PLA2G5: variants seen among roughly 807,000 people sequenced by gnomAD.
The protein encoded by PLA2G5 is Ca2+-dependent phospholipase A2.
Under a neutral mutation model 15.9 loss-of-function variants are expected in PLA2G5, and 12 were observed. The ratio of observed to expected loss-of-function variants is 0.76; its 90% CI spans 0.48 to 1.23. PLA2G5 has a LOEUF of 1.23. Among genes scored for constraint, PLA2G5 ranks in the 50% most tolerant of loss-of-function variants. The probability of loss-of-function intolerance (pLI) is 0.00; values close to 1 mark genes in which losing one functional copy is unlikely to be tolerated. For synonymous variants in PLA2G5, 71 were observed against 71.4 expected, an observed-to-expected ratio of 0.99 and a Z score of 0.03; for missense variants, 169 against 177.1, an observed-to-expected ratio of 0.95 and a Z score of 0.26.
chr1:20,043,770 T>C lies in PLA2G5; in HGVS notation n.276+15061T>C, dbSNP rs1224377956. Among the ~76,000 whole-genome samples the C allele has an allele frequency of 3.3e-5, 5 of 152,060 alleles. No homozygotes were observed. In the East Asian group the frequency reaches 7.7e-4, roughly 23 times the overall value. On this transcript the variant is annotated intron_variant and non_coding_transcript_variant, in intron 1 of 6. Coordinates refer to the PLA2G5 transcript ENST00000460175. ...AGGGATTTTGAAGCTTGGCCGTCAA[T>C]ACCCACAACAGTTATGGGGGCAAGG...
Position 20,053,112 on chromosome 1 carries a change from G to A in PLA2G5, n.277-6520G>A, listed in dbSNP as rs1349418880. On this transcript the variant is annotated intron_variant and non_coding_transcript_variant, in intron 1 of 6. Coordinates refer to the PLA2G5 transcript ENST00000460175. Reference sequence around the variant, plus strand: ...GATGTCATCAGGGCCTCCTGAGGCTGTGTCGTGGATGTGTGTCATCAATCT... The same window carrying A: ...GATGTCATCAGGGCCTCCTGAGGCTATGTCGTGGATGTGTGTCATCAATCT... Among the ~76,000 whole-genome samples, 3 of 152,198 alleles carry A rather than the reference G, an allele frequency of 2.0e-5. No individual in the cohort carries two copies. In the East Asian group the frequency reaches 5.8e-4, roughly 29 times the overall value.
At chr1:20,036,077 C>G (rs775777271) in intron 1 of PLA2G5, among the ~76,000 whole-genome samples, 13 of 152,202 alleles carry the variant, frequency 8.5e-5, no homozygotes, top group Non-Finnish European at 1.3e-4. Flanking sequence ...CCAATCCCTT[C>G]TAGCTTGTAG....
chr1:20,047,033 A>G (rs1160937938), intron 1 of PLA2G5, among the ~76,000 whole-genome samples: 1 of 152,176 alleles, frequency 6.6e-6, no homozygotes, highest in East Asian at 1.9e-4. Context: ...CCTCCCAGCC[A>G]AAAGGTGCCC....
intron 1 of PLA2G5, among the ~76,000 whole-genome samples, chr1:20,036,661 A>G (rs1386911595): frequency 6.6e-6 from 1 of 151,614 alleles, no homozygotes; most frequent in African/African-American, 2.4e-5. Flanking sequence ...ATTATTTTTT[A>G]AATTTCTTTC....
chr1:20,037,291 T>C (rs947278654), intron 1 of PLA2G5, among the ~76,000 whole-genome samples: 5 of 152,170 alleles, frequency 3.3e-5, no homozygotes, highest in Non-Finnish European at 5.9e-5. Flanking sequence ...GGATGGGGCT[T>C]CCTGACAGCG....
intron 4 of PLA2G5, 138 bp downstream of exon 4, chr1:20,090,033 T>C (rs994840186): frequency 2.5e-5 from 16 of 642,704 alleles, no homozygotes; most frequent in Admixed American, 1.4e-4. Context: ...AGCAGGATTA[T>C]TGCAGCTGTA....
chr1:20,055,934 G>A (rs2014408982), intron 1 of PLA2G5, among the ~76,000 whole-genome samples: 1 of 152,276 alleles, frequency 6.6e-6, no homozygotes, highest in South Asian at 2.1e-4. Flanking sequence ...TCTCTAGGAA[G>A]ATGACATTTT....
chr1:20,076,594 C>G (rs957834445), intron 1 of PLA2G5, among the ~76,000 whole-genome samples: 2 of 152,118 alleles, frequency 1.3e-5, no homozygotes, highest in Middle Eastern at 3.2e-3. Context: ...CCTCTGTTTC[C>G]TTGCTTACAC....
rs1041922066 is a variant in PLA2G5 at position 20,091,107 on chromosome 1, A to G, written c.*415A>G. 1.2e-5 allele frequency: 2 copies of G among 165,538 alleles called. No individual in the cohort carries two copies. The highest frequency in any genetic ancestry group is 3.5e-4 in the South Asian group (2 of 5,782). The allele number at this position is 165,538 out of a possible 1,614,324, so 10.3% of individuals were successfully genotyped here. On this transcript the variant is annotated 3_prime_UTR_variant, in exon 5 of 5. Coordinates refer to ENST00000375108, the MANE Select transcript of PLA2G5 (RefSeq NM_000929.3). Reference sequence around the variant, plus strand: ...AGAATTTTTACGCAAGAAGAGCCAAATTGACTCTCTAAATCTGGTGTATGG... The same window carrying G: ...AGAATTTTTACGCAAGAAGAGCCAAGTTGACTCTCTAAATCTGGTGTATGG...
chr1:20,078,483 C>T (rs1175027972), intron 1 of PLA2G5, among the ~76,000 whole-genome samples: 1 of 151,964 alleles, frequency 6.6e-6, no homozygotes, highest in Admixed American at 6.6e-5. Flanking sequence ...GGGGAGAGGA[C>T]TCTTCCCCAT....
chr1:20,072,761 G>T (rs2015447722), intron 1 of PLA2G5, among the ~76,000 whole-genome samples: 1 of 152,188 alleles, frequency 6.6e-6, no homozygotes, highest in South Asian at 2.1e-4. Flanking sequence ...AGCTATCAGG[G>T]AAGGTGTCTC....
intron 1 of PLA2G5, among the ~76,000 whole-genome samples, chr1:20,074,379 C>T (rs1049717794): frequency 1.3e-5 from 2 of 152,176 alleles, no homozygotes; most frequent in African/African-American, 2.4e-5. Flanking sequence ...ATTGACAGCT[C>T]TCTCCATGTT....
chr1:20,062,120 C>T (rs916715754), intron 2 of PLA2G5, among the ~76,000 whole-genome samples: 3 of 152,170 alleles, frequency 2.0e-5, no homozygotes, highest in Non-Finnish European at 2.9e-5. Context: ...CCCTAGAAGC[C>T]GAGCATACGC....
rs756924185 is a variant in PLA2G5 at position 20,089,905 on chromosome 1, G to A, written c.292+10G>A. The A allele has an allele frequency of 6.3e-7, 1 of 1,598,596 alleles. No individual in the cohort carries two copies. The highest frequency in any genetic ancestry group is 1.1e-5 in the South Asian group (1 of 90,122). ...GGCGTGGTCACCTGCGGTAAGGCTG[G>A]GGCTTCCCGTTCGGGCCATTGGAAG... On this transcript the variant is annotated intron_variant, in intron 4 of 4. Transcript: ENST00000375108.
At chr1:20,075,019 G>A (rs866351416) in intron 1 of PLA2G5, among the ~76,000 whole-genome samples, 6 of 152,178 alleles carry the variant, frequency 3.9e-5, no homozygotes, top group African/African-American at 7.2e-5. Flanking sequence ...AGGAACCCTC[G>A]TTCTGGGCAC....
intron 1 of PLA2G5, among the ~76,000 whole-genome samples, chr1:20,034,142 A>G (rs1372893021): frequency 2.6e-5 from 4 of 152,108 alleles, no homozygotes; most frequent in African/African-American, 9.7e-5. Context: ...TTGGATGGAC[A>G]GGTTAAAGGA....
chr1:20,049,640 T>G (rs1057323262), intron 1 of PLA2G5, among the ~76,000 whole-genome samples: 2 of 152,144 alleles, frequency 1.3e-5, no homozygotes, highest in African/African-American at 4.8e-5. Flanking sequence ...CCTGCACATG[T>G]TATGTGCTCT....
At position 20,078,233 on chromosome 1, in the gene PLA2G5, C is replaced by T. The variant is rs115261766; in HGVS notation, c.-10-6588C>T. ...GGCTTTGGGGGTCCCTGAGGGCAAG[C>T]TCAAGGATGCAGCAGATGCCAGGCA... On this transcript the variant is annotated intron_variant, in intron 1 of 4. Transcript: ENST00000375108. 3.6e-3 allele frequency among the ~76,000 whole-genome samples: 548 copies of T among 152,220 alleles called. 1 individual carries two copies. Among genetic ancestry groups the T allele is most frequent in the Middle Eastern group, 6.8e-3 (2 of 294 alleles).
intron 2 of PLA2G5, among the ~76,000 whole-genome samples, chr1:20,064,593 A>T (rs1393952505): frequency 6.6e-6 from 1 of 151,940 alleles, no homozygotes; most frequent in East Asian, 1.9e-4. Context: ...AAAAAAAAAA[A>T]AAAGGAAACA....
Sources: allele counts gnomAD v4.1 joint callset (sites outside exome capture counted in the v4.1 genomes callset), GRCh38; gene constraint gnomAD v4.1.1; transcripts MANE v1.5; gene names NCBI Gene and HGNC (gene_info 2026-07-23, HGNC 2026-07-21).